The following PTPRM variants were observed in gnomAD, a reference collection of about 807,000 sequenced individuals.
The protein encoded by PTPRM is receptor-type tyrosine-protein phosphatase mu.
A neutral mutation model predicts 186.7 loss-of-function variants in PTPRM; 47 were observed. The ratio of observed to expected loss-of-function variants is 0.25; its 90% CI spans 0.20 to 0.32. The LOEUF is 0.32. PTPRM is among the 10% of genes least tolerant of loss of function. PTPRM has a pLI of 1.00. For missense variants in PTPRM, 1,494 were observed against 1,865.0 expected, an observed-to-expected ratio of 0.80 and a Z score of 3.66; for synonymous variants, 668 against 674.9, an observed-to-expected ratio of 0.99 and a Z score of 0.16.
intron 2 of PTPRM, among the ~76,000 whole-genome samples, chr18:7,841,760 C>A (rs575801207): frequency 1.3e-5 from 2 of 152,076 alleles, no homozygotes; most frequent in Admixed American, 6.5e-5. Context: ...TATGAGTGGC[C>A]CCTTGTAGGT....
chr18:8,099,903 T>C (rs542974620), intron 11 of PTPRM, among the ~76,000 whole-genome samples: 231 of 152,298 alleles, frequency 1.5e-3, no homozygotes, highest in African/African-American at 5.2e-3. Context: ...TGCATTGCTA[T>C]AAAGATACCC....
intron 2 of PTPRM, among the ~76,000 whole-genome samples, chr18:7,842,908 ATATG>A (rs1392284577): frequency 2.0e-5 from 2 of 100,648 alleles, no homozygotes; most frequent in African/African-American, 1.1e-4. Context: ...TATGTTTCTC[ATATG>A]TGTGTGTGTG....
intron 1 of PTPRM, among the ~76,000 whole-genome samples, chr18:7,726,262 GT>G (rs905240681): frequency 2.0e-5 from 3 of 152,012 alleles, no homozygotes; most frequent in African/African-American, 7.2e-5. Context: ...ATCTTTTTTT[GT>G]TCATGGTGGT....
chr18:7,853,707 T>C (rs2046971489), intron 2 of PTPRM, among the ~76,000 whole-genome samples: 1 of 152,220 alleles, frequency 6.6e-6, no homozygotes, highest in South Asian at 2.1e-4. Context: ...AAAGGGGGAA[T>C]AGAATGTGAA....
chr18:8,011,293 A>G (rs547465349), intron 7 of PTPRM, among the ~76,000 whole-genome samples: 15 of 152,276 alleles, frequency 9.9e-5, no homozygotes, highest in Admixed American at 5.2e-4. Context: ...TCAATGTCCC[A>G]AATCTCTGAA....
intron 19 of PTPRM, among the ~76,000 whole-genome samples, chr18:8,283,707 A>C (rs1396738243): frequency 6.6e-6 from 1 of 152,112 alleles, no homozygotes; most frequent in Non-Finnish European, 1.5e-5. Context: ...TGTAGCCTCA[A>C]CCTGAAGAGA....
intron 7 of PTPRM, among the ~76,000 whole-genome samples, chr18:8,005,966 G>A (rs548773990): frequency 6.6e-6 from 1 of 152,192 alleles, no homozygotes; most frequent in African/African-American, 2.4e-5. Flanking sequence ...GGAGCTCCAC[G>A]TGTTAAGCGG....
Position 8,406,227 on chromosome 18 carries a change from G to A in PTPRM, c.*65G>A. The A allele has an allele frequency of 6.8e-7, 1 of 1,460,040 alleles. No homozygotes were observed. Among genetic ancestry groups the A allele is most frequent in the Non-Finnish European group, 9.5e-7 (1 of 1,053,888 alleles). The allele number at this position is 1,460,040 out of a possible 1,614,324, so 90.4% of individuals were successfully genotyped here. ...AAAGCCAAGACGTTCCATGGTATTTGTGCAAAAGAGATGAAGACTTCTCAA... is the reference window on the plus strand; with the variant it reads ...AAAGCCAAGACGTTCCATGGTATTTATGCAAAAGAGATGAAGACTTCTCAA... On this transcript the variant is annotated 3_prime_UTR_variant, in exon 33 of 33. Coordinates refer to ENST00000580170, the MANE Select transcript of PTPRM (RefSeq NM_001105244.2).
In PTPRM at chr18:7,605,140, C is replaced by T. The variant is rs547898264; in HGVS notation, c.73+37249C>T. Among the ~76,000 whole-genome samples the T allele has an allele frequency of 7.9e-5, 12 of 152,078 alleles. No homozygotes were observed. In the East Asian group the frequency reaches 2.3e-3, roughly 30 times the overall value. ...TGTTGGAAGAAGAGCTGTCTTGGGCCACACAGAAAATACACTAACACTAAT... is the reference window on the plus strand; with the variant it reads ...TGTTGGAAGAAGAGCTGTCTTGGGCTACACAGAAAATACACTAACACTAAT... On this transcript the variant is annotated intron_variant, in intron 1 of 32. Transcript: ENST00000580170.
intron 17 of PTPRM, among the ~76,000 whole-genome samples, chr18:8,250,946 A>G (rs1482671655): frequency 6.6e-6 from 1 of 152,210 alleles, no homozygotes; most frequent in Non-Finnish European, 1.5e-5. Flanking sequence ...GTCTAGTAGT[A>G]TAAGTGACCC....
chr18:7,814,757 A>G (rs895447957), intron 2 of PTPRM: 2 of 152,152 alleles, frequency 1.3e-5, no homozygotes, highest in African/African-American at 4.8e-5. Context: ...ATGTCCCTCA[A>G]ACCTGTCCTC....
intron 7 of PTPRM, among the ~76,000 whole-genome samples, chr18:8,038,099 AG>A (rs1255746865): frequency 6.6e-6 from 1 of 152,188 alleles, no homozygotes; most frequent in Non-Finnish European, 1.5e-5. Context: ...GAATGAATGA[AG>A]ATGTCTCCCC....
At chr18:8,231,678 G>A (rs971433939) in intron 14 of PTPRM, among the ~76,000 whole-genome samples, 10 of 152,004 alleles carry the variant, frequency 6.6e-5, no homozygotes, top group African/African-American at 9.7e-5. Context: ...AATTCAGCGC[G>A]CATTTCTCTC....
At chr18:8,157,095 A>G (rs2093137279) in intron 14 of PTPRM, among the ~76,000 whole-genome samples, 1 of 152,032 alleles carries the variant, frequency 6.6e-6, no homozygotes. Flanking sequence ...GACCCTGGGG[A>G]CAGCTGCCTT....
chr18:8,035,623 T>C (rs1024962970), intron 7 of PTPRM, among the ~76,000 whole-genome samples: 1 of 151,704 alleles, frequency 6.6e-6, no homozygotes, highest in African/African-American at 2.4e-5. Flanking sequence ...AATCCGCAGA[T>C]GCAGAAATTG....
intron 18 of PTPRM, among the ~76,000 whole-genome samples, chr18:8,252,803 T>C (rs561842923): frequency 6.6e-6 from 1 of 152,334 alleles, no homozygotes; most frequent in East Asian, 1.9e-4. Flanking sequence ...CCACACCATT[T>C]TGTGCACTTT....
chr18:8,329,986 A>G (rs1254431253), intron 22 of PTPRM, among the ~76,000 whole-genome samples: 1 of 152,050 alleles, frequency 6.6e-6, no homozygotes, highest in Admixed American at 6.6e-5. Context: ...TATTTTTTAT[A>G]GAGACAGGGT....
intron 5 of PTPRM, among the ~76,000 whole-genome samples, chr18:7,935,335 A>G (rs2051739719): frequency 6.6e-6 from 1 of 152,156 alleles, no homozygotes; most frequent in Non-Finnish European, 1.5e-5. Context: ...ATATTTATAT[A>G]ATATACTGAA....
At chr18:7,781,974 A>G (rs1395911498) in intron 2 of PTPRM, among the ~76,000 whole-genome samples, 6 of 152,194 alleles carry the variant, frequency 3.9e-5, no homozygotes, top group Non-Finnish European at 8.8e-5. Context: ...GGTCTTACTC[A>G]GACCACCTTG....
Sources: gnomAD v4.1 joint callset for allele counts (sites outside exome capture counted in the v4.1 genomes callset) on GRCh38, gnomAD v4.1.1 for gene constraint, MANE v1.5 for transcripts, NCBI Gene and HGNC (gene_info 2026-07-23, HGNC 2026-07-21) for gene names.